Variants in PSD3 observed in about 807,000 individuals in gnomAD.
PSD3 encodes the protein PH and SEC7 domain-containing protein 3.
A neutral mutation model predicts 105.5 loss-of-function variants in PSD3; 49 were observed. The ratio of observed to expected loss-of-function variants is 0.46; its 90% CI spans 0.37 to 0.59. The LOEUF (loss-of-function observed/expected upper bound fraction) is 0.59, where lower values mean the gene tolerates loss of function less well. Ranked by LOEUF, PSD3 falls within the 20% of genes least tolerant of loss-of-function variation. PSD3 has a pLI of 0.00. For synonymous variants in PSD3, 557 were observed against 457.8 expected (o/e 1.22, Z -2.77); for missense variants, 1,561 against 1,263.8 (o/e 1.24, Z -3.57).
intron 1 of PSD3, among the ~76,000 whole-genome samples, chr8:18,990,810 T>G (rs958925231): frequency 6.6e-6 from 1 of 152,220 alleles, no homozygotes; most frequent in Admixed American, 6.5e-5. Context: ...ATTCCCCTGA[T>G]GATCACATTC....
intron 2 of PSD3, among the ~76,000 whole-genome samples, chr8:18,876,765 C>G (rs1817760201): frequency 6.6e-6 from 1 of 152,076 alleles, no homozygotes; most frequent in African/African-American, 2.4e-5. Context: ...TATAGTAAAC[C>G]TATGTCTAAT....
chr8:18,629,455 A>G (rs1806739216), intron 11 of PSD3, among the ~76,000 whole-genome samples: 1 of 152,044 alleles, frequency 6.6e-6, no homozygotes, highest in Admixed American at 6.6e-5. Flanking sequence ...AAACAACCAG[A>G]ATGCTCAGCT....
At chr8:18,658,183 G>A (rs1809041635) in intron 9 of PSD3, among the ~76,000 whole-genome samples, 1 of 152,162 alleles carries the variant, frequency 6.6e-6, no homozygotes, top group Non-Finnish European at 1.5e-5. Context: ...CAGACAGTGG[G>A]TGTCATCCCT....
chr8:18,571,516 T>C (rs570813665), intron 14 of PSD3, among the ~76,000 whole-genome samples: 4 of 152,338 alleles, frequency 2.6e-5, no homozygotes, highest in South Asian at 4.1e-4. Flanking sequence ...TCTGGACTTA[T>C]CCTTCCTGTA....
intron 2 of PSD3, among the ~76,000 whole-genome samples, chr8:18,928,645 C>G (rs532670512): frequency 6.6e-6 from 1 of 152,218 alleles, no homozygotes; most frequent in Admixed American, 6.5e-5. Context: ...CCTAGAATGA[C>G]AGTCAGTGGG....
At chr8:19,016,168 C>T (rs1452265013), upstream of PSD3, among the ~76,000 whole-genome samples, 1 of 152,068 alleles carries the variant, frequency 6.6e-6, no homozygotes, top group Non-Finnish European at 1.5e-5. Context: ...TACCATAGCC[C>T]CCAGTGCTCA....
chr8:18,637,605 C>T (rs1008579009), intron 10 of PSD3, among the ~76,000 whole-genome samples: 2 of 152,114 alleles, frequency 1.3e-5, no homozygotes, highest in African/African-American at 2.4e-5. Context: ...TAATGTGAAT[C>T]GATAGTTTGT....
chr8:18,704,163 A>C (rs1248238327), intron 9 of PSD3, among the ~76,000 whole-genome samples: 1 of 152,202 alleles, frequency 6.6e-6, no homozygotes, highest in Non-Finnish European at 1.5e-5. Context: ...TGGCAACTAA[A>C]GGGTAAGAAA....
chr8:18,749,292 T>A (rs546993837), intron 9 of PSD3, among the ~76,000 whole-genome samples: 12 of 152,278 alleles, frequency 7.9e-5, no homozygotes, highest in Admixed American at 2.6e-4. Flanking sequence ...CCAGAGTCCC[T>A]TCTACTCCAG....
chr8:19,042,368 T>A (rs970748054), intron 1 of PSD3, among the ~76,000 whole-genome samples: 15 of 152,148 alleles, frequency 9.9e-5, no homozygotes, highest in African/African-American at 3.1e-4. Context: ...CCCCAACATG[T>A]TCTCCAAGCA....
chr8:19,066,109 G>A (rs1356367533), intron 1 of PSD3, among the ~76,000 whole-genome samples: 1 of 152,144 alleles, frequency 6.6e-6, no homozygotes, highest in Non-Finnish European at 1.5e-5. Flanking sequence ...ATGGGATGCT[G>A]CCCAATTCAT....
chr8:18,557,214 T>C (rs1222227733), intron 14 of PSD3, among the ~76,000 whole-genome samples: 5 of 152,212 alleles, frequency 3.3e-5, no homozygotes, highest in Admixed American at 2.6e-4. Flanking sequence ...ATGCAAATTA[T>C]CCAAATTTCA....
chr8:18,710,388 CA>C (rs770864513), intron 9 of PSD3, among the ~76,000 whole-genome samples: 2 of 152,068 alleles, frequency 1.3e-5, no homozygotes, highest in African/African-American at 2.4e-5. Context: ...CTGAAAGAGA[CA>C]GGGGGAACAG....
At chr8:19,050,271 A>C (rs995796005) in intron 1 of PSD3, among the ~76,000 whole-genome samples, 4 of 151,794 alleles carry the variant, frequency 2.6e-5, no homozygotes, top group Non-Finnish European at 4.4e-5. Context: ...AGCCACAAAA[A>C]TGCAGTGGGC....
At chr8:19,043,176 C>G (rs1399174208) in intron 1 of PSD3, among the ~76,000 whole-genome samples, 25 of 152,198 alleles carry the variant, frequency 1.6e-4, no homozygotes, top group Admixed American at 1.6e-3. Flanking sequence ...CAGGCCATAT[C>G]TTGCCAAATA....
Position 18,977,670 on chromosome 8 carries a change from G to A in PSD3, c.21+35893C>T, listed in dbSNP as rs1825018185. On this transcript the variant is annotated intron_variant, in intron 1 of 15. Transcript: ENST00000327040. Reference sequence around the variant, plus strand: ...ATGTTAGTAAAAAACAGTATATACAGCCCAAAGTCATTTTTATTAAAATAT... The same window carrying A: ...ATGTTAGTAAAAAACAGTATATACAACCCAAAGTCATTTTTATTAAAATAT... Among the ~76,000 whole-genome samples, 4 of 152,080 alleles carry A rather than the reference G, an allele frequency of 2.6e-5. No homozygotes were observed. In the South Asian group the frequency reaches 8.3e-4, roughly 32 times the overall value.
chr8:18,972,567 T>C (rs778822707), intron 1 of PSD3, among the ~76,000 whole-genome samples: 1 of 152,188 alleles, frequency 6.6e-6, no homozygotes, highest in Non-Finnish European at 1.5e-5. Context: ...TCCCCCCAAA[T>C]TCATACATTA....
At chr8:18,928,736 C>A (rs1338726688) in intron 2 of PSD3, among the ~76,000 whole-genome samples, 1 of 147,224 alleles carries the variant, frequency 6.8e-6, no homozygotes, top group Non-Finnish European at 1.5e-5. Flanking sequence ...TTGTTTCTTT[C>A]TTTCTTTCCT....
At chr8:18,646,841 G>T (rs1395347782) in intron 10 of PSD3, among the ~76,000 whole-genome samples, 1 of 152,086 alleles carries the variant, frequency 6.6e-6, no homozygotes, top group African/African-American at 2.4e-5. Flanking sequence ...ACCAAATAAT[G>T]AAAGTAAAAG....
Sources: allele counts gnomAD v4.1 joint callset (sites outside exome capture counted in the v4.1 genomes callset), GRCh38; gene constraint gnomAD v4.1.1; transcripts MANE v1.5; gene names NCBI Gene and HGNC (gene_info 2026-07-23, HGNC 2026-07-21).